SORBS2: variants seen among roughly 807,000 people sequenced by gnomAD.
The protein encoded by SORBS2 is sorbin and SH3 domain containing 2, also known as sorbin and SH3 domain-containing protein 2.
SORBS2 carries 46 observed loss-of-function variants against 97.7 expected under a neutral mutation model. The ratio of observed to expected loss-of-function variants is 0.47; its 90% confidence interval spans 0.37 to 0.60. The LOEUF is 0.60. SORBS2 is among the 20% of genes least tolerant of loss of function. The pLI, the probability that SORBS2 is intolerant of heterozygous loss-of-function variation, is 0.00. For missense variants in SORBS2, 1,316 were observed against 1,282.3 expected, an observed-to-expected ratio of 1.03 and a Z score of -0.40; for synonymous variants, 476 against 473.4, an observed-to-expected ratio of 1.01 and a Z score of -0.07.
At chr4:185,721,095 T>TTTTTG (rs1260896100) in intron 2 of SORBS2, among the ~76,000 whole-genome samples, 1 of 144,074 alleles carries the variant, frequency 6.9e-6, no homozygotes, top group Non-Finnish European at 1.5e-5. Context: ...TTTTTTTTTT[T>TTTTTG]TTTTTTTTTT....
At chr4:185,827,255 T>C (rs889942499) in intron 1 of SORBS2, among the ~76,000 whole-genome samples, 2 of 60,958 alleles carry the variant, frequency 3.3e-5, no homozygotes, top group African/African-American at 5.2e-5. Context: ...ACCATCATCA[T>C]CACCATCATC....
intron 2 of SORBS2, among the ~76,000 whole-genome samples, chr4:185,715,462 T>G (rs1311042835): frequency 6.6e-6 from 1 of 151,566 alleles, no homozygotes; most frequent in Non-Finnish European, 1.5e-5. Context: ...GTTTAAAAAA[T>G]AAAAAGAAAT....
chr4:185,658,785 A>G (rs2097455381), upstream of SORBS2, among the ~76,000 whole-genome samples: 1 of 146,552 alleles, frequency 6.8e-6, no homozygotes, highest in African/African-American at 2.5e-5. Flanking sequence ...GGTTCAAGCG[A>G]TTCTCCTGCC....
intron 1 of SORBS2, among the ~76,000 whole-genome samples, chr4:185,899,057 A>G (rs2099246320): frequency 6.6e-6 from 1 of 152,130 alleles, no homozygotes; most frequent in South Asian, 2.1e-4. Context: ...TGCAGAGGCA[A>G]TACTAATTTT....
chr4:185,907,078 G>A (rs1358565216), intron 1 of SORBS2, among the ~76,000 whole-genome samples: 2 of 151,734 alleles, frequency 1.3e-5, no homozygotes, highest in Non-Finnish European at 2.9e-5. Flanking sequence ...AGAGGTTGCA[G>A]TGAGCTGAGA....
chr4:185,819,216 A>C (rs1304042166), intron 1 of SORBS2, among the ~76,000 whole-genome samples: 1 of 152,208 alleles, frequency 6.6e-6, no homozygotes, highest in East Asian at 1.9e-4. Context: ...GGCTAGTAGA[A>C]AATTGGCCTC....
intron 1 of SORBS2, among the ~76,000 whole-genome samples, chr4:185,869,477 T>C (rs1281586059): frequency 6.6e-6 from 1 of 152,258 alleles, no homozygotes; most frequent in Non-Finnish European, 1.5e-5. Context: ...TATGCCCTCA[T>C]ACTTGGCTCC....
intron 4 of SORBS2, chr4:185,677,529 C>T (rs924507684): frequency 7.7e-6 from 12 of 1,550,598 alleles, no homozygotes; most frequent in Non-Finnish European, 1.0e-5. Context: ...GTACTCTGTA[C>T]TGGAGGGAAT....
intron 1 of SORBS2, among the ~76,000 whole-genome samples, chr4:185,943,156 C>CA (rs892028908): frequency 1.3e-4 from 20 of 152,176 alleles, no homozygotes; most frequent in African/African-American, 4.8e-4. Flanking sequence ...AGATCACGTT[C>CA]AAACACATTC....
intron 12 of SORBS2, among the ~76,000 whole-genome samples, chr4:185,596,762 T>C (rs994752826): frequency 2.0e-5 from 3 of 152,230 alleles, no homozygotes; most frequent in East Asian, 1.9e-4. Context: ...CTCGATCTCC[T>C]GACCTTGTGA....
intron 1 of SORBS2, among the ~76,000 whole-genome samples, chr4:185,808,283 C>T (rs904449): frequency 0.99 from 151,532 of 152,298 alleles, 75,394 homozygotes; most frequent in Middle Eastern, 1. Context: ...ACTTTCTAAT[C>T]CCAAATATCA....
intron 1 of SORBS2, among the ~76,000 whole-genome samples, chr4:185,781,708 TC>T (rs2099031845): frequency 6.8e-6 from 1 of 147,468 alleles, no homozygotes; most frequent in Middle Eastern, 3.3e-3. Context: ...CTCCGGCCTC[TC>T]CAGCCTCCCT....
chr4:185,718,236 A>G (rs1192675557), intron 2 of SORBS2, among the ~76,000 whole-genome samples: 1 of 152,204 alleles, frequency 6.6e-6, no homozygotes, highest in Non-Finnish European at 1.5e-5. Flanking sequence ...CAAAGAAAAA[A>G]AAAAAGAAAA....
At chr4:185,938,431 C>CA (rs1554055084) in intron 1 of SORBS2, among the ~76,000 whole-genome samples, 1 of 145,434 alleles carries the variant, frequency 6.9e-6, no homozygotes, top group Non-Finnish European at 1.5e-5. Flanking sequence ...CACACACACA[C>CA]CCTTTTATTC....
At chr4:185,644,453 A>G (rs2097176675) in intron 4 of SORBS2, among the ~76,000 whole-genome samples, 1 of 152,238 alleles carries the variant, frequency 6.6e-6, no homozygotes, top group Admixed American at 6.5e-5. Flanking sequence ...AAATCATCAA[A>G]TAAGGGAATC....
intron 2 of SORBS2, among the ~76,000 whole-genome samples, chr4:185,768,719 A>C (rs1248425935): frequency 4.3e-5 from 6 of 139,220 alleles, no homozygotes; most frequent in South Asian, 4.5e-4. Context: ...AAACAAAAAA[A>C]CAAAAAAAAA....
At chr4:185,914,546 A>C (rs779174147) in intron 1 of SORBS2, among the ~76,000 whole-genome samples, 1 of 152,250 alleles carries the variant, frequency 6.6e-6, no homozygotes, top group East Asian at 1.9e-4. Flanking sequence ...AAAGGTGCAA[A>C]TATCTGGGAT....
intron 1 of SORBS2, among the ~76,000 whole-genome samples, chr4:185,866,222 AG>A (rs904875291): frequency 6.6e-6 from 1 of 152,232 alleles, no homozygotes; most frequent in Non-Finnish European, 1.5e-5. Flanking sequence ...ACCAGTGCTG[AG>A]ATTAAATGTG....
intron 1 of SORBS2, among the ~76,000 whole-genome samples, chr4:185,908,189 C>T (rs921711046): frequency 6.7e-6 from 1 of 150,040 alleles, no homozygotes. Context: ...TGGCTCCCAT[C>T]TAACTTAATA....
Sources: allele counts gnomAD v4.1 joint callset (sites outside exome capture counted in the v4.1 genomes callset), GRCh38; gene constraint gnomAD v4.1.1; transcripts MANE v1.5; gene names NCBI Gene and HGNC (gene_info 2026-07-23, HGNC 2026-07-21).